The following RNGTT variants were observed in gnomAD, a reference collection of about 807,000 sequenced individuals.
RNGTT encodes mRNA-capping enzyme.
In RNGTT, 33 loss-of-function variants were observed where a neutral mutation model predicts 79.3. The ratio of observed to expected loss-of-function variants is 0.42; its 90% CI spans 0.32 to 0.56. RNGTT has a LOEUF of 0.56. RNGTT is among the 20% of genes least tolerant of loss of function. RNGTT has a pLI of 0.17. For synonymous variants in RNGTT, 222 were observed against 235.9 expected, an observed-to-expected ratio of 0.94 and a Z score of 0.54; for missense variants, 497 against 739.1, an observed-to-expected ratio of 0.67 and a Z score of 3.80.
At position 88,901,585 on chromosome 6, in the gene RNGTT, C is replaced by A. The variant is rs191274884; in HGVS notation, c.684+3130G>T. Among the ~76,000 whole-genome samples the A allele has an allele frequency of 6.1e-3, 884 of 144,504 alleles. 8 individuals are homozygous for A. The highest frequency in any genetic ancestry group is 0.022 in the African/African-American group (846 of 37,846). 94.8% of individuals were successfully genotyped at this position (144,504 alleles called of 152,430 possible). On this transcript the variant is annotated intron_variant, in intron 6 of 15. Transcript: ENST00000369485. ...GCAGTGGCGCGATCTCAGCTCACTGCAACCTCCGCCTCCCGGGTTCAAGCC... is the reference window on the plus strand; with the variant it reads ...GCAGTGGCGCGATCTCAGCTCACTGAAACCTCCGCCTCCCGGGTTCAAGCC...
At chr6:88,711,338 T>C (rs1210514239) in intron 13 of RNGTT, among the ~76,000 whole-genome samples, 2 of 152,200 alleles carry the variant, frequency 1.3e-5, no homozygotes, top group Non-Finnish European at 2.9e-5. Context: ...TCTTGACAAT[T>C]TATACAATCC....
intron 14 of RNGTT, among the ~76,000 whole-genome samples, chr6:88,675,275 T>C (rs1170670722): frequency 6.6e-6 from 1 of 152,188 alleles, no homozygotes; most frequent in Non-Finnish European, 1.5e-5. Context: ...CTAATATTAC[T>C]ATAAAAACAA....
intron 13 of RNGTT, among the ~76,000 whole-genome samples, chr6:88,695,110 T>C (rs918391359): frequency 1.3e-5 from 2 of 152,106 alleles, no homozygotes; most frequent in African/African-American, 4.8e-5. Flanking sequence ...GTCTGGGCAA[T>C]GATTTTTTGA....
At chr6:88,716,232 G>A (rs1243272392) in intron 13 of RNGTT, among the ~76,000 whole-genome samples, 1 of 151,918 alleles carries the variant, frequency 6.6e-6, no homozygotes, top group Non-Finnish European at 1.5e-5. Flanking sequence ...ATCATCACTG[G>A]CCATCAGAGA....
In RNGTT at chr6:88,929,817, CATACATATACACACAT is replaced by C. The variant is rs952593832; in HGVS notation, c.175-566_175-551del. ...TATATATGATGTGTATATATATATA[CATACATATACACACAT>C]ATACATATACACACATATACATATG... On this transcript the variant is annotated intron_variant, in intron 2 of 15. Transcript: ENST00000369485. 6.6e-5 allele frequency among the ~76,000 whole-genome samples: 10 copies of C among 151,008 alleles called. 1 individual carries two copies. Among genetic ancestry groups the C allele is most frequent in the Non-Finnish European group, 1.2e-4 (8 of 67,838 alleles).
chr6:88,681,368 T>C (rs1312112775), intron 13 of RNGTT, among the ~76,000 whole-genome samples: 1 of 152,190 alleles, frequency 6.6e-6, no homozygotes, highest in Non-Finnish European at 1.5e-5. Context: ...TGTATGTATG[T>C]ATATTTCACT....
intron 11 of RNGTT, among the ~76,000 whole-genome samples, chr6:88,823,192 C>T (rs113912163): frequency 0.025 from 3,740 of 152,034 alleles, 166 homozygotes; most frequent in African/African-American, 0.084. Flanking sequence ...TTTGGGAGGC[C>T]GAGGCAGGTG....
chr6:88,616,880 GT>G (rs1309493355), intron 14 of RNGTT, among the ~76,000 whole-genome samples: 1 of 152,172 alleles, frequency 6.6e-6, no homozygotes, highest in African/African-American at 2.4e-5. Flanking sequence ...ATGTACATAA[GT>G]TTTTAACTTT....
chr6:88,844,549 T>C, intron 10 of RNGTT, 28 bp from the exon 11 acceptor site: 1 of 1,584,606 alleles, frequency 6.3e-7, no homozygotes, highest in African/African-American at 1.4e-5. Context: ...TTAGTTAAAT[T>C]TCAACACTAA....
chr6:88,862,544 C>T (rs769927514), intron 8 of RNGTT, among the ~76,000 whole-genome samples: 1 of 152,164 alleles, frequency 6.6e-6, no homozygotes, highest in Non-Finnish European at 1.5e-5. Context: ...ACGTAAGTTT[C>T]CCTGAATTCT....
intron 12 of RNGTT, among the ~76,000 whole-genome samples, chr6:88,799,193 A>C (rs1027655887): frequency 2.0e-4 from 30 of 152,160 alleles, no homozygotes; most frequent in African/African-American, 7.2e-4. Flanking sequence ...TGAGAAAGTG[A>C]TTTAACATTG....
intron 8 of RNGTT, among the ~76,000 whole-genome samples, chr6:88,885,935 T>C (rs147587608): frequency 1.9e-3 from 291 of 152,204 alleles, no homozygotes; most frequent in Non-Finnish European, 2.9e-3. Flanking sequence ...TCAAACAAAC[T>C]CAATCTGAGA....
chr6:88,721,135 T>C (rs1452234259), intron 13 of RNGTT, among the ~76,000 whole-genome samples: 1 of 152,058 alleles, frequency 6.6e-6, no homozygotes, highest in Admixed American at 6.5e-5. Context: ...AGGTACCTAA[T>C]TTTTATATTT....
At chr6:88,907,802 T>C (rs1244511765) in intron 4 of RNGTT, among the ~76,000 whole-genome samples, 1 of 150,370 alleles carries the variant, frequency 6.7e-6, no homozygotes, top group East Asian at 2.0e-4. Context: ...TTCAGTAGCA[T>C]GATCAGGTTC....
chr6:88,930,042 A>G (rs1003820652), intron 2 of RNGTT, among the ~76,000 whole-genome samples: 1 of 148,802 alleles, frequency 6.7e-6, no homozygotes, highest in Non-Finnish European at 1.5e-5. Flanking sequence ...ATATATATGC[A>G]TATATACATA....
chr6:88,853,582 G>T (rs1781743929), intron 9 of RNGTT, 47 bp downstream of exon 9: 2 of 1,269,752 alleles, frequency 1.6e-6, no homozygotes, highest in Non-Finnish European at 2.2e-6. Flanking sequence ...ACAAGGAAAA[G>T]AAAAATGGCA....
intron 12 of RNGTT, among the ~76,000 whole-genome samples, chr6:88,798,358 G>A (rs1025121295): frequency 3.3e-5 from 5 of 151,980 alleles, no homozygotes; most frequent in African/African-American, 1.2e-4. Flanking sequence ...CCAGCTACTT[G>A]GGGACCTGAA....
In RNGTT at chr6:88,825,282, AGAG is replaced by A. The variant is rs1780621282; in HGVS notation, c.1269+19072_1269+19074del. On this transcript the variant is annotated intron_variant, in intron 11 of 15. Coordinates refer to ENST00000369485, the MANE Select transcript of RNGTT (RefSeq NM_003800.5). ...AAGCTACAGATCCCACCCACACTGA[AGAG>A]GAGGGGGTTACACAACAGGCATTGG... 3.3e-5 allele frequency among the ~76,000 whole-genome samples: 5 copies of A among 152,218 alleles called. No individual in the cohort carries two copies. The South Asian group carries it at 1.0e-3, about 32-fold the overall frequency.
At chr6:88,959,744 C>T (rs1351810572) in intron 1 of RNGTT, among the ~76,000 whole-genome samples, 1 of 151,712 alleles carries the variant, frequency 6.6e-6, no homozygotes, top group Non-Finnish European at 1.5e-5. Context: ...AATCTCATCT[C>T]GATGCTGAAA....
Sources: allele counts gnomAD v4.1 joint callset (sites outside exome capture counted in the v4.1 genomes callset), GRCh38; gene constraint gnomAD v4.1.1; transcripts MANE v1.5; gene names NCBI Gene and HGNC (gene_info 2026-07-23, HGNC 2026-07-21).